Variants in AGBL1 observed in about 807,000 individuals in gnomAD.
AGBL1 encodes AGBL carboxypeptidase 1.
A neutral mutation model predicts 118.9 loss-of-function variants in AGBL1; 130 were observed. The observed-to-expected ratio is 1.09, with a 90% CI of 0.95 to 1.26. The LOEUF is 1.26. Among genes scored for constraint, AGBL1 ranks in the 50% most tolerant of loss-of-function variants. AGBL1 has a pLI of 0.00. For synonymous variants in AGBL1, 555 were observed against 478.9 expected (o/e 1.16, Z -2.08); for missense variants, 1,584 against 1,298.1 (o/e 1.22, Z -3.38).
chr15:86,853,264 G>A (rs970626509), intron 22 of AGBL1, among the ~76,000 whole-genome samples: 1 of 152,058 alleles, frequency 6.6e-6, no homozygotes, highest in Non-Finnish European at 1.5e-5. Context: ...TTAGACCTTT[G>A]ACCAAAACAA....
intron 22 of AGBL1, among the ~76,000 whole-genome samples, chr15:86,686,394 C>T (rs574493291): frequency 6.6e-6 from 1 of 151,080 alleles, no homozygotes; most frequent in South Asian, 2.1e-4. Flanking sequence ...GTTAATGGCA[C>T]TACTGATAAT....
chr15:86,892,063 A>G (rs188334032), intron 22 of AGBL1, among the ~76,000 whole-genome samples: 52 of 152,236 alleles, frequency 3.4e-4, no homozygotes, highest in African/African-American at 1.2e-3. Flanking sequence ...CCATTTTTTC[A>G]TAAGTTATGA....
In AGBL1 at chr15:86,907,507, C is replaced by T. The variant is rs2080296788; in HGVS notation, c.*213C>T. The T allele has an allele frequency of 6.6e-6, 1 of 152,084 alleles. No homozygotes were observed. The highest frequency in any genetic ancestry group is 1.5e-5 in the Non-Finnish European group (1 of 68,026). The allele number at this position is 152,084 out of a possible 1,614,324, so 9.4% of individuals were successfully genotyped here. ...AACATTTTATATTAGAGTTAGGTAGCCCTTGGGGCCTATGCAAGCTGCTAT... is the reference window on the plus strand; with the variant it reads ...AACATTTTATATTAGAGTTAGGTAGTCCTTGGGGCCTATGCAAGCTGCTAT... On this transcript the variant is annotated 3_prime_UTR_variant, in exon 23 of 23. Coordinates refer to ENST00000614907, the MANE Select transcript of AGBL1 (RefSeq NM_001386094.1).
At chr15:86,496,653 A>AT (rs917467213) in intron 18 of AGBL1, among the ~76,000 whole-genome samples, 7 of 151,442 alleles carry the variant, frequency 4.6e-5, no homozygotes, top group African/African-American at 7.3e-5. Context: ...TTAACAATGT[A>AT]TTTTTTTTCC....
intron 18 of AGBL1, among the ~76,000 whole-genome samples, chr15:86,471,843 A>C (rs1009363984): frequency 1.3e-5 from 2 of 152,212 alleles, no homozygotes; most frequent in Admixed American, 1.3e-4. Context: ...TGTCTTGACC[A>C]TAGGAACCCA....
At chr15:86,537,427 C>T (rs2083441453) in intron 19 of AGBL1, among the ~76,000 whole-genome samples, 1 of 152,160 alleles carries the variant, frequency 6.6e-6, no homozygotes, top group African/African-American at 2.4e-5. Context: ...GACATCCAGG[C>T]TACTGCTTCT....
At chr15:86,174,030 G>C (rs1266140409) in intron 5 of AGBL1, among the ~76,000 whole-genome samples, 2 of 151,936 alleles carry the variant, frequency 1.3e-5, no homozygotes, top group Non-Finnish European at 2.9e-5. Context: ...GATTGCTTTG[G>C]AGTAGTATAG....
At chr15:86,407,394 A>G (rs775561439) in intron 18 of AGBL1, among the ~76,000 whole-genome samples, 20 of 152,152 alleles carry the variant, frequency 1.3e-4, no homozygotes, top group Non-Finnish European at 2.6e-4. Context: ...AAGCTTCTAG[A>G]CAATCATCCT....
intron 7 of AGBL1, among the ~76,000 whole-genome samples, chr15:86,253,227 T>G (rs1252190382): frequency 6.6e-6 from 1 of 152,082 alleles, no homozygotes; most frequent in Non-Finnish European, 1.5e-5. Flanking sequence ...ATAGGGACTT[T>G]GAATTTTACT....
intron 18 of AGBL1, among the ~76,000 whole-genome samples, chr15:86,494,072 T>G (rs2082817091): frequency 6.6e-6 from 1 of 152,070 alleles, no homozygotes; most frequent in African/African-American, 2.4e-5. Flanking sequence ...GACATCTCAG[T>G]CCTTGTGACG....
chr15:86,720,316 C>A (rs1229156191), intron 22 of AGBL1, among the ~76,000 whole-genome samples: 3 of 152,126 alleles, frequency 2.0e-5, no homozygotes, highest in African/African-American at 4.8e-5. Flanking sequence ...AGGCTCAAAT[C>A]CTGGGGGTCA....
intron 24 of AGBL1, among the ~76,000 whole-genome samples, chr15:87,027,852 A>G (rs532844383): frequency 5.3e-5 from 8 of 151,912 alleles, no homozygotes; most frequent in African/African-American, 1.7e-4. Context: ...TGGACACATC[A>G]AGGGGAACAA....
chr15:86,342,011 G>T (rs1353898236), intron 17 of AGBL1, among the ~76,000 whole-genome samples: 1 of 152,150 alleles, frequency 6.6e-6, no homozygotes. Context: ...TGAAATACTG[G>T]TTTGTGAAAA....
intron 22 of AGBL1, among the ~76,000 whole-genome samples, chr15:86,748,760 A>G (rs1157407560): frequency 1.3e-5 from 2 of 151,948 alleles, no homozygotes; most frequent in African/African-American, 4.8e-5. Flanking sequence ...CATTTATTAA[A>G]TAGGGAATCC....
intron 17 of AGBL1, among the ~76,000 whole-genome samples, chr15:86,297,593 T>TA (rs1381803614): frequency 6.6e-6 from 1 of 152,156 alleles, no homozygotes; most frequent in African/African-American, 2.4e-5. Flanking sequence ...GCCTTTCTGA[T>TA]ACTACTCTTC....
At chr15:86,923,842 C>T (rs569023246) in intron 23 of AGBL1, among the ~76,000 whole-genome samples, 1 of 152,222 alleles carries the variant, frequency 6.6e-6, no homozygotes, top group South Asian at 2.1e-4. Flanking sequence ...TAAAAACCCA[C>T]CCTATGTCAT....
chr15:86,529,406 G>A (rs1242908796), intron 19 of AGBL1, among the ~76,000 whole-genome samples: 2 of 132,634 alleles, frequency 1.5e-5, no homozygotes, highest in East Asian at 4.1e-4. Context: ...GAAGTTTAGA[G>A]AAAAAAGAAT....
At chr15:86,475,122 G>GA (rs2082538762) in intron 18 of AGBL1, among the ~76,000 whole-genome samples, 2 of 152,126 alleles carry the variant, frequency 1.3e-5, no homozygotes. Context: ...CAAAAGTGGG[G>GA]AAAAAACAGA....
chr15:86,123,016 A>G (rs1431738721), intron 1 of AGBL1, among the ~76,000 whole-genome samples: 2 of 152,190 alleles, frequency 1.3e-5, no homozygotes, highest in African/African-American at 4.8e-5. Flanking sequence ...CCCAAAATAT[A>G]TGTATTTGAC....
Sources: gnomAD v4.1 joint callset for allele counts (sites outside exome capture counted in the v4.1 genomes callset) on GRCh38, gnomAD v4.1.1 for gene constraint, MANE v1.5 for transcripts, NCBI Gene and HGNC (gene_info 2026-07-23, HGNC 2026-07-21) for gene names.